CFAP47: variants seen among roughly 807,000 people sequenced by gnomAD.
CFAP47 encodes cilia- and flagella-associated protein 47.
CFAP47 carries 29 observed loss-of-function variants against 148.1 expected under a neutral mutation model. The observed-to-expected ratio is 0.20, with a 90% confidence interval of 0.15 to 0.27. The LOEUF (loss-of-function observed/expected upper bound fraction) is 0.27, where lower values mean the gene tolerates loss of function less well. CFAP47 is among the 10% of genes least tolerant of loss of function. The pLI, the probability that CFAP47 is intolerant of heterozygous loss-of-function variation, is 1.00. For missense variants in CFAP47, 1,872 were observed against 1,697.5 expected (o/e 1.10, Z -1.81); for synonymous variants, 664 against 577.3 (o/e 1.15, Z -2.15).
At chrX:36,025,619 T>C (rs10126895) in intron 22 of CFAP47, among the ~76,000 whole-genome samples, 27,992 of 110,768 alleles carry the variant, frequency 0.25, 4,836 homozygotes, top group African/African-American at 0.61. Flanking sequence ...TAAAGTAAGA[T>C]GGTGTCTATA....
At chrX:36,185,072 G>T (rs782798220) in intron 40 of CFAP47, among the ~76,000 whole-genome samples, 1 of 111,214 alleles carries the variant, frequency 9.0e-6, no homozygotes, top group South Asian at 3.8e-4. Context: ...AAATACTATC[G>T]ATTGAGGGGC....
intron 54 of CFAP47, among the ~76,000 whole-genome samples, chrX:36,304,860 C>T (rs1031039808): frequency 8.9e-6 from 1 of 112,236 alleles, no homozygotes; most frequent in Non-Finnish European, 1.9e-5. Context: ...TAAGGTTTAG[C>T]ATGACTATCT....
Position 36,232,450 on chromosome X carries a change from G to A in CFAP47, c.7015-3484G>A, listed in dbSNP as rs781838421. On this transcript the variant is annotated intron_variant, in intron 46 of 63. Coordinates refer to ENST00000378653, the MANE Select transcript of CFAP47 (RefSeq NM_001304548.2). ...TGGTAGTTTGTATTTCTGTGGGATTGGTGGTGATATCCCCTTTATCATTTT... is the reference window on the plus strand; with the variant it reads ...TGGTAGTTTGTATTTCTGTGGGATTAGTGGTGATATCCCCTTTATCATTTT... 3.0e-3 allele frequency among the ~76,000 whole-genome samples: 335 copies of A among 111,442 alleles called. 2 individuals are homozygous for A. The highest frequency in any genetic ancestry group is 5.5e-3 in the Non-Finnish European group (291 of 52,937).
intron 33 of CFAP47, among the ~76,000 whole-genome samples, chrX:36,112,505 C>A (rs1029260316): frequency 3.6e-5 from 4 of 111,211 alleles, no homozygotes; most frequent in African/African-American, 9.8e-5. Flanking sequence ...CTTGCTGAAG[C>A]GTGTTTTGTG....
chrX:36,242,265 C>T (rs782523676), intron 48 of CFAP47, among the ~76,000 whole-genome samples: 32 of 112,106 alleles, frequency 2.9e-4, no homozygotes, highest in Admixed American at 2.6e-3. Flanking sequence ...AAAACCAGAG[C>T]GTCTTCTTAC....
chrX:35,932,391 C>G (rs977409518), intron 2 of CFAP47, among the ~76,000 whole-genome samples: 1 of 104,808 alleles, frequency 9.5e-6, no homozygotes, highest in African/African-American at 3.5e-5. Context: ...TCCTGAGTAG[C>G]TGGGATTACA....
At chrX:35,948,642 T>C (rs1441737029) in intron 4 of CFAP47, among the ~76,000 whole-genome samples, 190 bp downstream of exon 4, 1 of 111,873 alleles carries the variant, frequency 8.9e-6, no homozygotes, top group Non-Finnish European at 1.9e-5. Context: ...AGCATATGGG[T>C]ACACATAACA....
intron 45 of CFAP47, among the ~76,000 whole-genome samples, chrX:36,206,372 A>T (rs1371320641): frequency 8.9e-6 from 1 of 111,805 alleles, no homozygotes; most frequent in Non-Finnish European, 1.9e-5. Context: ...TTTGAAACAC[A>T]GAGAGGATTG....
At chrX:36,289,235 G>A (rs1221033852) in intron 51 of CFAP47, among the ~76,000 whole-genome samples, 1 of 109,616 alleles carries the variant, frequency 9.1e-6, no homozygotes, top group Admixed American at 9.8e-5. Flanking sequence ...CCCGACCTCA[G>A]ATGATCTGCC....
At chrX:35,932,750 C>T (rs1935850640) in intron 2 of CFAP47, among the ~76,000 whole-genome samples, 1 of 110,418 alleles carries the variant, frequency 9.1e-6, no homozygotes, top group Non-Finnish European at 1.9e-5. Flanking sequence ...CCCCAACCTC[C>T]TGAGTAGTTG....
chrX:36,016,591 T>C (rs1024094121), intron 22 of CFAP47, among the ~76,000 whole-genome samples: 1 of 110,967 alleles, frequency 9.0e-6, no homozygotes, highest in South Asian at 3.8e-4. Flanking sequence ...AATTTGGCTA[T>C]CGTGAACAGT....
chrX:36,145,121 A>T, intron 35 of CFAP47, 98 bp from the exon 36 acceptor site: 1 of 306,495 alleles, frequency 3.3e-6, no homozygotes, highest in Non-Finnish European at 5.6e-6. Flanking sequence ...ATGTGTGTGT[A>T]TGTGCATATA....
At chrX:36,345,215 T>C (rs782556921) in intron 57 of CFAP47, among the ~76,000 whole-genome samples, 1 of 111,702 alleles carries the variant, frequency 9.0e-6, no homozygotes, top group African/African-American at 3.2e-5. Context: ...AAATATAGAA[T>C]TCATAAAAAC....
chrX:36,233,799 G>A lies in CFAP47; in HGVS notation c.7015-2135G>A, dbSNP rs782034994. ...AGCGCTTCCTTCAGGAGCTCTTTTA[G>A]GGCAGGCCTGGTGGTGACAAAATCT... is the stretch of plus-strand genomic sequence containing the variant. On this transcript the variant is annotated intron_variant, in intron 46 of 63. Transcript: ENST00000378653. 7.2e-3 allele frequency among the ~76,000 whole-genome samples: 796 copies of A among 110,387 alleles called. 5 individuals are homozygous for A. Among genetic ancestry groups the A allele is most frequent in the Admixed American group, 0.015 (160 of 10,357 alleles).
At chrX:36,264,423 A>G (rs1278114717) in intron 49 of CFAP47, among the ~76,000 whole-genome samples, 3 of 112,115 alleles carry the variant, frequency 2.7e-5, no homozygotes, top group Admixed American at 9.4e-5. Context: ...GTAGGAACTC[A>G]AGTTCAGACC....
intron 13 of CFAP47, among the ~76,000 whole-genome samples, chrX:35,974,682 T>A (rs1002356265): frequency 8.9e-6 from 1 of 111,885 alleles, no homozygotes; most frequent in African/African-American, 3.2e-5. Flanking sequence ...AATTAAGCTG[T>A]TAAAGGCAGG....
chrX:36,045,902 A>T (rs1257210678), intron 25 of CFAP47, among the ~76,000 whole-genome samples: 3 of 111,961 alleles, frequency 2.7e-5, no homozygotes, highest in African/African-American at 9.7e-5. Flanking sequence ...CTGAAGAAAT[A>T]ATGTAATGCA....
chrX:36,287,177 T>C (rs964818657), intron 51 of CFAP47, among the ~76,000 whole-genome samples: 2 of 112,136 alleles, frequency 1.8e-5, no homozygotes, highest in Non-Finnish European at 3.8e-5. Flanking sequence ...TATGTTTTCA[T>C]TTATGAAATT....
intron 13 of CFAP47, 51 bp from the exon 14 acceptor site, chrX:35,975,096 A>T (rs757376805): frequency 1.4e-6 from 1 of 708,454 alleles, no homozygotes; most frequent in Non-Finnish European, 2.0e-6. Flanking sequence ...AAAGTAAATG[A>T]AGTCATTTGC....
Sources: gnomAD v4.1 joint callset for allele counts (sites outside exome capture counted in the v4.1 genomes callset) on GRCh38, gnomAD v4.1.1 for gene constraint, MANE v1.5 for transcripts, NCBI Gene and HGNC (gene_info 2026-07-23, HGNC 2026-07-21) for gene names.